EBF1: variants seen among roughly 807,000 people sequenced by gnomAD.
EBF1 encodes EBF transcription factor 1.
EBF1 carries 10 observed loss-of-function variants against 68.4 expected under a neutral mutation model. That is an observed-to-expected ratio of 0.15 (90% CI 0.09 to 0.25). The LOEUF is 0.25. Ranked by LOEUF, EBF1 falls within the 10% of genes least tolerant of loss-of-function variation. The probability of loss-of-function intolerance (pLI) is 1.00; values close to 1 mark genes in which losing one functional copy is unlikely to be tolerated. For missense variants in EBF1, 509 were observed against 794.4 expected, an observed-to-expected ratio of 0.64 and a Z score of 4.32; for synonymous variants, 298 against 299.8, an observed-to-expected ratio of 0.99 and a Z score of 0.06.
At chr5:159,026,912 G>T (rs536166105) in intron 6 of EBF1, among the ~76,000 whole-genome samples, 1 of 152,218 alleles carries the variant, frequency 6.6e-6, no homozygotes, top group African/African-American at 2.4e-5. Context: ...TTCCCACTTG[G>T]GGGGAATCAA....
chr5:158,773,489 A>C (rs1212490600), intron 10 of EBF1, among the ~76,000 whole-genome samples: 1 of 152,118 alleles, frequency 6.6e-6, no homozygotes, highest in African/African-American at 2.4e-5. Flanking sequence ...CAGACATCTG[A>C]GTTGTTAGAT....
intron 10 of EBF1, among the ~76,000 whole-genome samples, chr5:158,755,062 C>T (rs1361601665): frequency 6.6e-6 from 1 of 151,926 alleles, no homozygotes; most frequent in East Asian, 1.9e-4. Context: ...TGTATAAGGT[C>T]CTGGACTATT....
chr5:158,814,758 T>G (rs1351233203), intron 8 of EBF1, among the ~76,000 whole-genome samples: 1 of 152,192 alleles, frequency 6.6e-6, no homozygotes, highest in Non-Finnish European at 1.5e-5. Context: ...AGTTAGGACA[T>G]TCTTGCAAAT....
intron 6 of EBF1, among the ~76,000 whole-genome samples, chr5:158,858,492 T>C (rs923890696): frequency 2.3e-4 from 35 of 152,142 alleles, no homozygotes; most frequent in African/African-American, 8.4e-4. Flanking sequence ...TTCTCCTCCT[T>C]TGAAGCAGCA....
chr5:158,941,675 C>A (rs1234475961), intron 6 of EBF1, among the ~76,000 whole-genome samples: 1 of 152,176 alleles, frequency 6.6e-6, no homozygotes, highest in Non-Finnish European at 1.5e-5. Flanking sequence ...GGTGTGATAG[C>A]ACCTGCAAAC....
At chr5:159,066,157 G>A (rs1283039442) in intron 6 of EBF1, among the ~76,000 whole-genome samples, 1 of 152,076 alleles carries the variant, frequency 6.6e-6, no homozygotes, top group Non-Finnish European at 1.5e-5. Context: ...CCGAGTGAGA[G>A]GCTGCTCTGT....
At chr5:158,974,756 C>A (rs370846726) in intron 6 of EBF1, among the ~76,000 whole-genome samples, 1 of 152,130 alleles carries the variant, frequency 6.6e-6, no homozygotes, top group Non-Finnish European at 1.5e-5. Flanking sequence ...GGAGAAAAAA[C>A]AGCAACAATT....
intron 6 of EBF1, among the ~76,000 whole-genome samples, chr5:158,991,113 C>G (rs145814684): frequency 6.6e-6 from 1 of 152,326 alleles, no homozygotes; most frequent in African/African-American, 2.4e-5. Flanking sequence ...GAGCAATACA[C>G]TACTGAACTT....
At chr5:158,945,090 T>C (rs896909346) in intron 6 of EBF1, among the ~76,000 whole-genome samples, 1 of 152,254 alleles carries the variant, frequency 6.6e-6, no homozygotes, top group African/African-American at 2.4e-5. Context: ...ATCCCATTTG[T>C]CAATGTTGGC....
rs1180953663 is a variant in EBF1 at position 158,697,067 on chromosome 5, G to GACTT, written c.*2040_*2043dup. On this transcript the variant is annotated 3_prime_UTR_variant, in exon 16 of 16. Coordinates refer to ENST00000313708, the MANE Select transcript of EBF1 (RefSeq NM_024007.5). The stretch of plus-strand genomic sequence containing the variant: ...GAAAGACAGAGGAAATATACAAGCA[G>GACTT]ACTTAAGAAAGAAAGTATGTTCATT... 5.3e-6 allele frequency: 1 copy of GACTT among 189,606 alleles called. No homozygotes were observed. Among genetic ancestry groups the GACTT allele is most frequent in the Admixed American group, 6.2e-5 (1 of 16,184 alleles). 11.7% of individuals were successfully genotyped at this position (189,606 alleles called of 1,614,324 possible).
chr5:158,774,916 T>G (rs747276924), intron 10 of EBF1, among the ~76,000 whole-genome samples: 1 of 152,008 alleles, frequency 6.6e-6, no homozygotes, highest in Non-Finnish European at 1.5e-5. Context: ...GGGAAATCAT[T>G]GTGCCAATTT....
chr5:159,070,107 T>G lies in EBF1; in HGVS notation c.554+3289A>C, dbSNP rs541865691. ...AATAATGAAATCTGCTGTTATCAGT[T>G]CCTGGTTATTTGCTATTAAACATAA... On this transcript the variant is annotated intron_variant, in intron 6 of 15. Transcript: ENST00000313708. Among the ~76,000 whole-genome samples, 160 of 152,302 alleles carry G rather than the reference T, an allele frequency of 1.1e-3. 2 individuals carry two copies. Among genetic ancestry groups the G allele is most frequent in the African/African-American group, 3.7e-3 (153 of 41,566 alleles).
At chr5:159,044,243 A>G (rs949748322) in intron 6 of EBF1, among the ~76,000 whole-genome samples, 3 of 152,194 alleles carry the variant, frequency 2.0e-5, no homozygotes, top group Non-Finnish European at 2.9e-5. Context: ...GTAAGTGATG[A>G]CAATCTTAGC....
chr5:158,778,967 T>C (rs571754705), intron 9 of EBF1, among the ~76,000 whole-genome samples: 11 of 152,258 alleles, frequency 7.2e-5, no homozygotes, highest in African/African-American at 2.6e-4. Context: ...CCTGTTGTTC[T>C]TAGCACCTTC....
intron 6 of EBF1, among the ~76,000 whole-genome samples, chr5:158,926,196 C>T (rs1042093773): frequency 2.6e-5 from 4 of 152,152 alleles, no homozygotes; most frequent in African/African-American, 9.7e-5. Flanking sequence ...CTCTTCATAT[C>T]TATGTGTATT....
chr5:158,944,624 G>T (rs925921227), intron 6 of EBF1, among the ~76,000 whole-genome samples: 13 of 152,190 alleles, frequency 8.5e-5, no homozygotes, highest in Non-Finnish European at 1.5e-5. Flanking sequence ...TCTGGTTCTA[G>T]ATCCTTGAGG....
In EBF1 at chr5:158,798,618, C is replaced by T. The variant is rs528001074; in HGVS notation, c.779-2143G>A. ...TTTCCCACTTGTTATACGTAGGATACAGAAGTCACGTGGGTGTACATGCAT... is the reference window on the plus strand; with the variant it reads ...TTTCCCACTTGTTATACGTAGGATATAGAAGTCACGTGGGTGTACATGCAT... On this transcript the variant is annotated intron_variant, in intron 8 of 15. Coordinates refer to ENST00000313708, the MANE Select transcript of EBF1 (RefSeq NM_024007.5). 7.9e-5 allele frequency among the ~76,000 whole-genome samples: 12 copies of T among 152,172 alleles called. No individual in the cohort carries two copies. In the East Asian group the frequency reaches 1.4e-3, roughly 17 times the overall value.
chr5:158,890,859 T>C (rs572629066), intron 6 of EBF1, among the ~76,000 whole-genome samples: 1 of 152,220 alleles, frequency 6.6e-6, no homozygotes, highest in Non-Finnish European at 1.5e-5. Context: ...TCTACCTCCT[T>C]TTAGCCAAGT....
chr5:159,078,538 T>C (rs941700831), intron 5 of EBF1, among the ~76,000 whole-genome samples: 6 of 152,242 alleles, frequency 3.9e-5, no homozygotes. Flanking sequence ...CGATGTGTGT[T>C]GGGCACTGTA....
Sources: gnomAD v4.1 joint callset for allele counts (sites outside exome capture counted in the v4.1 genomes callset) on GRCh38, gnomAD v4.1.1 for gene constraint, MANE v1.5 for transcripts, NCBI Gene and HGNC (gene_info 2026-07-23, HGNC 2026-07-21) for gene names.